Variants in SAMD12 observed in about 807,000 individuals in gnomAD.
SAMD12 encodes the protein sterile alpha motif domain containing 12.
Under a neutral mutation model 15.0 loss-of-function variants are expected in SAMD12, and 9 were observed. The observed-to-expected ratio is 0.60, with a 90% confidence interval of 0.36 to 1.05. The LOEUF (loss-of-function observed/expected upper bound fraction) is 1.05. Ranked by LOEUF, SAMD12 falls within the 50% of genes least tolerant of loss-of-function variation. SAMD12 has a pLI of 0.01. For missense variants in SAMD12, 230 were observed against 234.2 expected, an observed-to-expected ratio of 0.98 and a Z score of 0.12; for synonymous variants, 86 against 90.1, an observed-to-expected ratio of 0.96 and a Z score of 0.25.
At chr8:118,583,594 C>A (rs1827349533) in intron 1 of SAMD12, among the ~76,000 whole-genome samples, 1 of 152,080 alleles carries the variant, frequency 6.6e-6, no homozygotes, top group African/African-American at 2.4e-5. Flanking sequence ...ACCTCCCCAC[C>A]AAATTTGACT....
In SAMD12 at chr8:118,500,067, C is replaced by CTTTTTTTTTT. The variant is rs563321387; in HGVS notation, c.193-60116_193-60107dup. On this transcript the variant is annotated intron_variant, in intron 2 of 3. Coordinates refer to ENST00000314727, the MANE Select transcript of SAMD12 (RefSeq NM_207506.3). Reference sequence around the variant, plus strand: ...CAGGATACACGCCCCTGAGTTTTGCCTTTTTTTTTTTTTTTTTTTTTTTTT... The same window carrying CTTTTTTTTTT: ...CAGGATACACGCCCCTGAGTTTTGCCTTTTTTTTTTTTTTTTTTTTTTTTTTTTTTTTTTT... Among the ~76,000 whole-genome samples the CTTTTTTTTTT allele has an allele frequency of 4.1e-4, 30 of 72,564 alleles. 2 individuals are homozygous for CTTTTTTTTTT. The highest frequency in any genetic ancestry group is 6.3e-4 in the African/African-American group (11 of 17,572). The allele number at this position is 72,564 out of a possible 152,430, so 47.6% of individuals were successfully genotyped here.
chr8:118,166,257 G>A, the SAMD12 span, among the ~76,000 whole-genome samples: 3 of 152,148 alleles, frequency 2.0e-5, no homozygotes, highest in Admixed American at 6.5e-5. Context: ...GCAACTTACT[G>A]AAATGAGTTC....
intron 4 of SAMD12, among the ~76,000 whole-genome samples, chr8:118,325,969 G>A (rs955327354): frequency 2.0e-5 from 3 of 152,162 alleles, no homozygotes; most frequent in South Asian, 4.1e-4. Flanking sequence ...TTTTGCCAGC[G>A]CTCTGCTGAG....
intron 4 of SAMD12, among the ~76,000 whole-genome samples, chr8:118,254,426 G>T (rs114401259): frequency 3.9e-5 from 6 of 152,236 alleles, no homozygotes; most frequent in African/African-American, 1.4e-4. Context: ...TTCATGCCGC[G>T]TAGAAAGACA....
At chr8:118,173,874 C>A in the SAMD12 span, among the ~76,000 whole-genome samples, 1 of 152,130 alleles carries the variant, frequency 6.6e-6, no homozygotes. Context: ...GGGTGATCTG[C>A]CTGCCTTGGC....
chr8:118,462,217 A>C (rs1295221456), intron 2 of SAMD12, among the ~76,000 whole-genome samples: 1 of 152,188 alleles, frequency 6.6e-6, no homozygotes, highest in Non-Finnish European at 1.5e-5. Flanking sequence ...ATTCCTTTAA[A>C]GATGTTACTT....
intron 2 of SAMD12, among the ~76,000 whole-genome samples, chr8:118,459,094 C>T (rs1823341827): frequency 6.6e-6 from 1 of 151,514 alleles, no homozygotes. Flanking sequence ...GAGAACGAGT[C>T]TCACTCTGTT....
rs191277224 is a variant in SAMD12, at chr8:118,379,171, G to A, written c.*246C>T. On this transcript the variant is annotated 3_prime_UTR_variant, in exon 4 of 4. Transcript: ENST00000314727. Reference sequence around the variant, plus strand: ...ATGCTAAAGCGCCCTCACAATTGGCGCAGGTGAAGATAGCTACAGCTGGAC... The same window carrying A: ...ATGCTAAAGCGCCCTCACAATTGGCACAGGTGAAGATAGCTACAGCTGGAC... 249 of 1,227,540 alleles carry A rather than the reference G, an allele frequency of 2.0e-4. 2 individuals are homozygous for A. In the East Asian group the frequency reaches 6.9e-3, roughly 34 times the overall value. 76.0% of individuals were successfully genotyped at this position (1,227,540 alleles called of 1,614,324 possible). A position where few individuals can be genotyped will look rare whatever the true frequency, so the allele number is the denominator to read the frequency against.
the SAMD12 span, among the ~76,000 whole-genome samples, chr8:118,140,021 C>T: frequency 6.6e-6 from 1 of 152,184 alleles, no homozygotes; most frequent in South Asian, 2.1e-4. Context: ...AGTTTTGAAC[C>T]AGCAGACAGG....
intron 4 of SAMD12, among the ~76,000 whole-genome samples, chr8:118,335,901 A>T (rs906525822): frequency 2.6e-5 from 4 of 152,092 alleles, no homozygotes; most frequent in African/African-American, 9.6e-5. Context: ...TAGCCCTCTA[A>T]GTTTTGTACT....
intron 4 of SAMD12, among the ~76,000 whole-genome samples, chr8:118,283,270 C>T (rs897801098): frequency 2.0e-5 from 3 of 152,228 alleles, no homozygotes; most frequent in South Asian, 2.1e-4. Flanking sequence ...TTATTCCTAA[C>T]GTATTAATGG....
At chr8:118,451,028 A>C (rs1823065688) in intron 2 of SAMD12, among the ~76,000 whole-genome samples, 1 of 152,176 alleles carries the variant, frequency 6.6e-6, no homozygotes, top group South Asian at 2.1e-4. Flanking sequence ...TTGTCTTAAA[A>C]ACTTTACGTA....
chr8:118,573,355 G>T (rs181236340), intron 2 of SAMD12, among the ~76,000 whole-genome samples: 2 of 152,230 alleles, frequency 1.3e-5, no homozygotes, highest in East Asian at 1.9e-4. Flanking sequence ...CAAAGTGCTG[G>T]GATTACAGGC....
At chr8:118,389,592 G>A (rs1563820002) in intron 3 of SAMD12, among the ~76,000 whole-genome samples, 2 of 152,112 alleles carry the variant, frequency 1.3e-5, no homozygotes, top group African/African-American at 4.8e-5. Flanking sequence ...GTATGCACCT[G>A]TAGTTCCAGC....
At chr8:118,603,532 C>T (rs1400006898) in intron 1 of SAMD12, among the ~76,000 whole-genome samples, 2 of 152,128 alleles carry the variant, frequency 1.3e-5, no homozygotes, top group Non-Finnish European at 2.9e-5. Flanking sequence ...AGTCAACTTA[C>T]AAATTAAGTA....
intron 2 of SAMD12, among the ~76,000 whole-genome samples, chr8:118,498,653 G>T (rs1443861026): frequency 9.9e-5 from 15 of 152,098 alleles, no homozygotes; most frequent in Non-Finnish European, 2.2e-4. Flanking sequence ...CATGGCTTAT[G>T]GTGTATAGCA....
intron 4 of SAMD12, among the ~76,000 whole-genome samples, chr8:118,366,542 G>A (rs1201648444): frequency 6.6e-6 from 1 of 152,134 alleles, no homozygotes; most frequent in Non-Finnish European, 1.5e-5. Flanking sequence ...GCTGGGCACG[G>A]TGGCTCATGC....
At chr8:118,214,976 A>C (rs1308808246) in intron 4 of SAMD12, among the ~76,000 whole-genome samples, 2 of 152,262 alleles carry the variant, frequency 1.3e-5, no homozygotes, top group African/African-American at 2.4e-5. Context: ...CTGCTACTGC[A>C]GTTGTTACAC....
intron 2 of SAMD12, among the ~76,000 whole-genome samples, chr8:118,539,184 T>C (rs1198487499): frequency 6.6e-6 from 1 of 152,216 alleles, no homozygotes; most frequent in African/African-American, 2.4e-5. Context: ...TATATAGATA[T>C]ACCTGCCAAG....
Sources: allele counts gnomAD v4.1 joint callset (sites outside exome capture counted in the v4.1 genomes callset), GRCh38; gene constraint gnomAD v4.1.1; transcripts MANE v1.5; gene names NCBI Gene and HGNC (gene_info 2026-07-23, HGNC 2026-07-21).